The following VAPB variants were observed in gnomAD, a reference collection of about 807,000 sequenced individuals.
The protein encoded by VAPB is VAMP associated protein B and C, also known as vesicle-associated membrane protein-associated protein B/C.
A neutral mutation model predicts 25.6 loss-of-function variants in VAPB; 7 were observed. The observed-to-expected ratio is 0.27, with a 90% CI of 0.16 to 0.51. The LOEUF is 0.51. VAPB is among the 20% of genes least tolerant of loss of function. The pLI, the probability that VAPB is intolerant of heterozygous loss-of-function variation, is 0.97. For synonymous variants in VAPB, 112 were observed against 109.2 expected, an observed-to-expected ratio of 1.03 and a Z score of -0.16; for missense variants, 266 against 301.3, an observed-to-expected ratio of 0.88 and a Z score of 0.87.
chr20:58,441,886 G>A (rs904058793), intron 5 of VAPB, among the ~76,000 whole-genome samples: 3 of 152,212 alleles, frequency 2.0e-5, no homozygotes, highest in Admixed American at 6.5e-5. Context: ...GTGGTGATGA[G>A]CTTGGAGGTG....
intron 1 of VAPB, among the ~76,000 whole-genome samples, chr20:58,403,207 CT>C (rs1480350097): frequency 6.6e-6 from 1 of 152,196 alleles, no homozygotes; most frequent in Non-Finnish European, 1.5e-5. Context: ...GTTTTTACTT[CT>C]CCTCCTCTTC....
At chr20:58,443,612 A>T (rs1989210708) in intron 5 of VAPB, among the ~76,000 whole-genome samples, 1 of 151,904 alleles carries the variant, frequency 6.6e-6, no homozygotes, top group African/African-American at 2.4e-5. Flanking sequence ...TTTTATTTAT[A>T]TATTTATGTC....
intron 2 of VAPB, 48 bp from the exon 3 acceptor site, chr20:58,434,554 A>G (rs757584497): frequency 2.2e-6 from 2 of 922,246 alleles, no homozygotes; most frequent in Non-Finnish European, 3.6e-6. Flanking sequence ...AATAAATGGC[A>G]CTGACAACCA....
rs747617543 is a variant in VAPB at position 58,441,001 on chromosome 20, C to T, written c.491C>T (p.Thr164Ile). ...SKSLSSSLDD[T>I]EVKKVMEECK... ...TCTCTGAGTTCTTCTTTGGATGACA[C>T]CGAAGTTAAGAAGGTTATGGAAGAA... The change falls in exon 5 of 6, where the codon ACC (threonine) becomes ATC (isoleucine). Residue 164 changes from threonine (T) to isoleucine (I), a missense_variant. Physicochemically the swap from Thr to Ile is moderately conservative, Grantham distance 89 (BLOSUM62 -1). Transcript: ENST00000475243. 16 of 1,613,960 alleles carry T rather than the reference C, an allele frequency of 9.9e-6. No individual in the cohort carries two copies. The South Asian group carries it at 1.4e-4, about 14-fold the overall frequency.
chr20:58,429,390 C>T (rs1268252810), intron 2 of VAPB, among the ~76,000 whole-genome samples: 1 of 152,226 alleles, frequency 6.6e-6, no homozygotes, highest in African/African-American at 2.4e-5. Flanking sequence ...AAAGTGATTG[C>T]TTACACCCAC....
At position 58,444,315 on chromosome 20, in the gene VAPB, A is replaced by C. The variant is rs775171841; in HGVS notation, c.*80A>C. ...TTTAAATTTATCATAACCATGTGTA[A>C]AAAGAAATTAATGTATGATGACATC... On this transcript the variant is annotated 3_prime_UTR_variant, in exon 6 of 6. Coordinates refer to ENST00000475243, the MANE Select transcript of VAPB (RefSeq NM_004738.5). The C allele has an allele frequency of 3.1e-6, 5 of 1,606,618 alleles. No individual in the cohort carries two copies. The highest frequency in any genetic ancestry group is 4.3e-6 in the Non-Finnish European group (5 of 1,173,686).
Position 58,449,480 on chromosome 20 carries a change from GT to G in VAPB, c.*5246del, listed in dbSNP as rs1989382990. 4 of 451,104 alleles carry G rather than the reference GT, an allele frequency of 8.9e-6. No individual in the cohort carries two copies. The highest frequency in any genetic ancestry group is 4.0e-5 in the African/African-American group (2 of 49,752). The allele number at this position is 451,104 out of a possible 1,614,324, so 27.9% of individuals were successfully genotyped here. On this transcript the variant is annotated 3_prime_UTR_variant, in exon 6 of 6. Coordinates refer to ENST00000475243, the MANE Select transcript of VAPB (RefSeq NM_004738.5). ...TAATGGAATTAGTTTATTAGAAAATGTCTGTGTTAAATCCGTAGAAAAGGAA... is the reference window on the plus strand; with the variant it reads ...TAATGGAATTAGTTTATTAGAAAATGCTGTGTTAAATCCGTAGAAAAGGAA...
rs1384685260 is a variant in VAPB, at chr20:58,450,056, T to C, written c.*5821T>C. 2.2e-6 allele frequency: 1 copy of C among 453,894 alleles called. No individual in the cohort carries two copies. The highest frequency in any genetic ancestry group is 4.4e-6 in the Non-Finnish European group (1 of 226,788). 28.1% of individuals were successfully genotyped at this position (453,894 alleles called of 1,614,324 possible). Reference sequence around the variant, plus strand: ...TTTTAGGGTTTAAGAAGATGAGAAATGAGTGTGCACGTTTCACACGTTGAC... The same window carrying C: ...TTTTAGGGTTTAAGAAGATGAGAAACGAGTGTGCACGTTTCACACGTTGAC... On this transcript the variant is annotated 3_prime_UTR_variant, in exon 6 of 6. Coordinates refer to ENST00000475243, the MANE Select transcript of VAPB (RefSeq NM_004738.5).
chr20:58,402,551 GC>G (rs1208120292), intron 1 of VAPB, among the ~76,000 whole-genome samples: 2 of 144,794 alleles, frequency 1.4e-5, no homozygotes, highest in Admixed American at 6.8e-5. Context: ...TAGTCAGCAA[GC>G]CCCCCCACCC....
intron 1 of VAPB, among the ~76,000 whole-genome samples, chr20:58,414,397 C>T (rs1158404291): frequency 2.1e-5 from 3 of 146,168 alleles, no homozygotes; most frequent in Non-Finnish European, 4.6e-5. Context: ...ACGGGGTGGC[C>T]GCCGGGCGGA....
intron 2 of VAPB, among the ~76,000 whole-genome samples, chr20:58,423,414 CAAAAAAAAAAAAAAAAAAAAAAAAA>C (rs59133081): frequency 2.9e-5 from 1 of 34,760 alleles, no homozygotes; most frequent in Admixed American, 6.6e-4. Context: ...CTCCATCTCA[CAAAAAAAAAAAAAAAAAAAAAAAAA>C]AAAAAAAAAA....
At chr20:58,417,970 A>G (rs541127611) in intron 1 of VAPB, among the ~76,000 whole-genome samples, 1 of 152,322 alleles carries the variant, frequency 6.6e-6, no homozygotes, top group South Asian at 2.1e-4. Context: ...GTGAGGTTTC[A>G]ATGAGATGCC....
chr20:58,400,513 G>A (rs1988071364), intron 1 of VAPB, among the ~76,000 whole-genome samples: 1 of 152,084 alleles, frequency 6.6e-6, no homozygotes, highest in South Asian at 2.1e-4. Flanking sequence ...CTTATTGTAC[G>A]AATTGTATGT....
At chr20:58,391,020 C>G (rs1987782429) in intron 1 of VAPB, among the ~76,000 whole-genome samples, 1 of 152,188 alleles carries the variant, frequency 6.6e-6, no homozygotes, top group African/African-American at 2.4e-5. Flanking sequence ...AGTACTTGAG[C>G]TTTCATGATG....
At chr20:58,422,429 A>G (rs1461496757) in intron 2 of VAPB, among the ~76,000 whole-genome samples, 7 of 152,224 alleles carry the variant, frequency 4.6e-5, no homozygotes, top group Admixed American at 4.6e-4. Context: ...TGAGATTTCA[A>G]ATGTAAGGAA....
chr20:58,411,925 C>T (rs1208997824), intron 1 of VAPB, among the ~76,000 whole-genome samples: 5 of 152,150 alleles, frequency 3.3e-5, no homozygotes, highest in African/African-American at 7.2e-5. Context: ...GTGATCCACC[C>T]GCCACAGCCT....
intron 5 of VAPB, among the ~76,000 whole-genome samples, chr20:58,441,534 C>T (rs1405852837): frequency 3.3e-5 from 5 of 151,978 alleles, no homozygotes; most frequent in African/African-American, 1.2e-4. Flanking sequence ...TCCAGCCACT[C>T]GGGAGGCTGA....
intron 2 of VAPB, among the ~76,000 whole-genome samples, chr20:58,433,701 A>G (rs1461097275): frequency 6.6e-6 from 1 of 152,170 alleles, no homozygotes; most frequent in African/African-American, 2.4e-5. Flanking sequence ...TTAAGGATTA[A>G]ATGAGATGAT....
intron 5 of VAPB, among the ~76,000 whole-genome samples, chr20:58,443,408 T>G (rs1011772729): frequency 2.1e-4 from 31 of 149,620 alleles, no homozygotes; most frequent in Non-Finnish European, 3.9e-4. Flanking sequence ...GTTTTTTTTT[T>G]TTTTTTTTTT....
Sources: gnomAD v4.1 joint callset for allele counts (sites outside exome capture counted in the v4.1 genomes callset) on GRCh38, gnomAD v4.1.1 for gene constraint, MANE v1.5 for transcripts, NCBI Gene and HGNC (gene_info 2026-07-23, HGNC 2026-07-21) for gene names.